The following NBPF8 variants were observed in gnomAD, a reference collection of about 807,000 sequenced individuals.
The protein encoded by NBPF8 is NBPF family member NBPF8.
chr1:120,455,934 C>T (rs1661423825), intron 16 of NBPF8, among the ~76,000 whole-genome samples: 4 of 152,128 alleles, frequency 2.6e-5, no homozygotes, highest in Admixed American at 6.5e-5. Flanking sequence ...CTACACATTG[C>T]TTTAAATGTG....
chr1:120,418,360 T>G (rs1374668536), upstream of NBPF8, among the ~76,000 whole-genome samples: 2 of 79,108 alleles, frequency 2.5e-5, no homozygotes, highest in African/African-American at 1.3e-4. Context: ...TTTATTTATT[T>G]ATCTTTTTAC....
intron 3 of NBPF8, among the ~76,000 whole-genome samples, chr1:120,431,010 G>C (rs1471628462): frequency 2.0e-5 from 3 of 150,412 alleles, no homozygotes; most frequent in Non-Finnish European, 3.0e-5. Context: ...CATTTATATG[G>C]TAATGTCAAT....
intron 11 of NBPF8, among the ~76,000 whole-genome samples, chr1:120,450,385 C>A (rs1298952828): frequency 2.6e-5 from 4 of 151,818 alleles, no homozygotes; most frequent in Non-Finnish European, 5.9e-5. Flanking sequence ...GTGTACAGAG[C>A]AGGGACCGTG....
downstream of NBPF8, among the ~76,000 whole-genome samples, chr1:120,468,306 A>AAAG (rs1300227288): frequency 6.6e-6 from 1 of 151,800 alleles, no homozygotes; most frequent in South Asian, 2.1e-4. Context: ...GAGCTATTCA[A>AAAG]AAGTGAATGT....
intron 1 of NBPF8, among the ~76,000 whole-genome samples, chr1:120,422,942 G>T (rs1238046562): frequency 1.2e-5 from 1 of 86,724 alleles, no homozygotes; most frequent in Non-Finnish European, 2.1e-5. Context: ...TATTAATGAG[G>T]TGTTCAGATC....
In NBPF8 at chr1:120,436,607, G is replaced by A. The variant is rs1280878605; in HGVS notation, n.255G>A. 15 of 1,606,196 alleles carry A rather than the reference G, an allele frequency of 9.3e-6. No homozygotes were observed. The African/African-American group carries it at 1.3e-4, about 13-fold the overall frequency. On this transcript the variant is annotated non_coding_transcript_exon_variant, in exon 1 of 25. Transcript: ENST00000583271. ...CAACGAGAAATTGCGCCCCCAGTTGGCAGAGAACAAACAGCAGTTCGTAAA... is the reference window on the plus strand; with the variant it reads ...CAACGAGAAATTGCGCCCCCAGTTGACAGAGAACAAACAGCAGTTCGTAAA...
At chr1:120,421,494 T>TCCTC (rs1280192193) in intron 1 of NBPF8, among the ~76,000 whole-genome samples, 41 of 145,236 alleles carry the variant, frequency 2.8e-4, no homozygotes, top group African/African-American at 7.9e-4. Context: ...CTCCCTGCCT[T>TCCTC]CCTCCCTCCC....
intron 3 of NBPF8, among the ~76,000 whole-genome samples, chr1:120,431,349 C>A: frequency 5.3e-5 from 2 of 37,650 alleles, no homozygotes; most frequent in South Asian, 5.6e-4. Flanking sequence ...TTTATCATCT[C>A]CAAATAGGGA....
At chr1:120,455,276 A>G in intron 15 of NBPF8, 133 bp from the exon 14 acceptor site, 1 of 633,664 alleles carries the variant, frequency 1.6e-6, no homozygotes, top group Non-Finnish European at 2.8e-6. Flanking sequence ...AGGACAACCT[A>G]GAATATTCCT....
intron 24 of NBPF8, 120 bp from the exon 23 acceptor site, chr1:120,465,858 A>G: frequency 6.2e-7 from 1 of 1,607,286 alleles, no homozygotes; most frequent in Non-Finnish European, 8.5e-7. Context: ...TTGTTACCTC[A>G]TTAATGGATC....
At chr1:120,419,773 A>T (rs1250203353), upstream of NBPF8, among the ~76,000 whole-genome samples, 1 of 117,392 alleles carries the variant, frequency 8.5e-6, no homozygotes, top group Non-Finnish European at 1.7e-5. Context: ...AGTCTCCGTA[A>T]ACGGCAGCTC....
chr1:120,415,608 C>A (rs1168178230), upstream of NBPF8, among the ~76,000 whole-genome samples: 1 of 152,180 alleles, frequency 6.6e-6, no homozygotes, highest in Non-Finnish European at 1.5e-5. Context: ...CGCACCCCAC[C>A]CTCGAGGCCA....
rs1302192210 is a variant in NBPF8 at position 120,462,223 on chromosome 1, T to G, written n.3061+26T>G. On this transcript the variant is annotated intron_variant and non_coding_transcript_variant, in intron 20 of 24. Coordinates refer to ENST00000583271, the Ensembl canonical transcript of NBPF8. ...GTAACTTTGAGCAATTATGGATGCT[T>G]AATTCTGTGTTGACACCTGGAGATG... 5.2e-4 allele frequency: 340 copies of G among 655,422 alleles called. 1 individual carries two copies. The highest frequency in any genetic ancestry group is 7.7e-4 in the Non-Finnish European group (282 of 367,454). 40.6% of individuals were successfully genotyped at this position (655,422 alleles called of 1,614,324 possible).
chr1:120,455,993 A>G (rs1422542676), intron 16 of NBPF8, among the ~76,000 whole-genome samples: 4 of 152,080 alleles, frequency 2.6e-5, no homozygotes, highest in African/African-American at 9.7e-5. Context: ...GGTTTCAAAG[A>G]ACATCTTTAT....
chr1:120,457,059 AT>A (rs1176276401), intron 16 of NBPF8, among the ~76,000 whole-genome samples: 5 of 152,126 alleles, frequency 3.3e-5, no homozygotes, highest in African/African-American at 1.2e-4. Flanking sequence ...TTGGTTGAAA[AT>A]TCTTTTCTTT....
Position 120,453,460 on chromosome 1 carries a change from C to T in NBPF8, n.2362+16C>T. The T allele has an allele frequency of 5.5e-6, 4 of 722,778 alleles. No homozygotes were observed. The highest frequency in any genetic ancestry group is 9.9e-6 in the Non-Finnish European group (4 of 402,236). 44.8% of individuals were successfully genotyped at this position (722,778 alleles called of 1,614,324 possible). Reference sequence around the variant, plus strand: ...CTGCCCCCAGGTAACACTGAATACTCAGGAACAATTAATGGATGGTAACAT... The same window carrying T: ...CTGCCCCCAGGTAACACTGAATACTTAGGAACAATTAATGGATGGTAACAT... On this transcript the variant is annotated intron_variant and non_coding_transcript_variant, in intron 14 of 24. Transcript: ENST00000583271.
chr1:120,468,716 C>T (rs1661819031), downstream of NBPF8, among the ~76,000 whole-genome samples: 2 of 148,926 alleles, frequency 1.3e-5, no homozygotes. Context: ...CCTTTCAATT[C>T]CCCAGTAGCC....
intron 3 of NBPF8, among the ~76,000 whole-genome samples, chr1:120,431,102 C>T (rs1660861388): frequency 1.4e-5 from 2 of 146,196 alleles, no homozygotes; most frequent in South Asian, 4.3e-4. Flanking sequence ...TACTCTACAG[C>T]TATGAAAATC....
chr1:120,429,543 G>C (rs1426940253), intron 3 of NBPF8, among the ~76,000 whole-genome samples: 2 of 152,198 alleles, frequency 1.3e-5, no homozygotes, highest in East Asian at 1.9e-4. Flanking sequence ...AGACATGGCG[G>C]GAGGGATTTC....
Sources: allele counts gnomAD v4.1 joint callset (sites outside exome capture counted in the v4.1 genomes callset), GRCh38; gene constraint gnomAD v4.1.1; transcripts MANE v1.5; gene names NCBI Gene and HGNC (gene_info 2026-07-23, HGNC 2026-07-21).